CTNNA3: variants seen among roughly 807,000 people sequenced by gnomAD.
The protein encoded by CTNNA3 is catenin alpha 3.
In CTNNA3, 76 loss-of-function variants were observed where a neutral mutation model predicts 95.7. The observed-to-expected ratio is 0.79, with a 90% CI of 0.66 to 0.96. The LOEUF is 0.96. Ranked by LOEUF, CTNNA3 falls within the 40% of genes least tolerant of loss-of-function variation. CTNNA3 has a pLI of 0.00. For synonymous variants in CTNNA3, 431 were observed against 374.4 expected, an observed-to-expected ratio of 1.15 and a Z score of -1.74; for missense variants, 1,191 against 1,089.8, an observed-to-expected ratio of 1.09 and a Z score of -1.31.
At chr10:67,024,051 T>C (rs1471794798) in intron 7 of CTNNA3, among the ~76,000 whole-genome samples, 2 of 152,234 alleles carry the variant, frequency 1.3e-5, no homozygotes, top group African/African-American at 2.4e-5. Context: ...AAGTTTATTA[T>C]CTTCCGGAGG....
chr10:67,362,387 A>G (rs1157034551), intron 5 of CTNNA3, among the ~76,000 whole-genome samples: 1 of 152,188 alleles, frequency 6.6e-6, no homozygotes, highest in African/African-American at 2.4e-5. Context: ...AAATACTAGC[A>G]AACCGAATTC....
At chr10:67,126,150 G>A (rs1859711278) in intron 7 of CTNNA3, among the ~76,000 whole-genome samples, 1 of 152,196 alleles carries the variant, frequency 6.6e-6, no homozygotes, top group African/African-American at 2.4e-5. Flanking sequence ...TTCATGAGAG[G>A]TTTCAGGACA....
intron 13 of CTNNA3, among the ~76,000 whole-genome samples, chr10:66,222,480 T>TA (rs1453536971): frequency 6.6e-6 from 1 of 151,748 alleles, no homozygotes; most frequent in East Asian, 1.9e-4. Context: ...ATGCATTTAT[T>TA]AAAAAATATT....
intron 6 of CTNNA3, among the ~76,000 whole-genome samples, chr10:67,193,188 T>C (rs1863197785): frequency 6.6e-6 from 1 of 152,002 alleles, no homozygotes; most frequent in Non-Finnish European, 1.5e-5. Context: ...GGATCTAATG[T>C]ACAACATAGA....
chr10:66,504,012 G>C (rs139366929), intron 11 of CTNNA3, among the ~76,000 whole-genome samples: 3 of 151,934 alleles, frequency 2.0e-5, no homozygotes, highest in African/African-American at 7.3e-5. Flanking sequence ...TAAATCAAGC[G>C]AATTAACATA....
At chr10:66,865,001 T>C (rs1042563724) in intron 7 of CTNNA3, among the ~76,000 whole-genome samples, 2 of 152,124 alleles carry the variant, frequency 1.3e-5, no homozygotes, top group Non-Finnish European at 2.9e-5. Flanking sequence ...TGGCATATTT[T>C]AGAGAAAAAC....
At chr10:66,173,445 G>C (rs2085534381) in intron 13 of CTNNA3, among the ~76,000 whole-genome samples, 1 of 152,030 alleles carries the variant, frequency 6.6e-6, no homozygotes, top group South Asian at 2.1e-4. Flanking sequence ...TTCAGTTTGG[G>C]AGGTAGAGTT....
chr10:67,641,558 G>T (rs1229828869), intron 2 of CTNNA3, among the ~76,000 whole-genome samples: 1 of 152,116 alleles, frequency 6.6e-6, no homozygotes, highest in Admixed American at 6.6e-5. Context: ...ACATGCACAC[G>T]TATGTTTACT....
intron 11 of CTNNA3, among the ~76,000 whole-genome samples, chr10:66,509,992 A>G (rs1464971591): frequency 4.6e-5 from 7 of 151,878 alleles, no homozygotes; most frequent in Non-Finnish European, 1.0e-4. Context: ...CTTGGGTGAA[A>G]TGGTCATTTT....
chr10:67,597,551 G>A (rs548765001), intron 3 of CTNNA3, among the ~76,000 whole-genome samples: 1 of 152,274 alleles, frequency 6.6e-6, no homozygotes, highest in South Asian at 2.1e-4. Flanking sequence ...CATCACTTCT[G>A]TGCTGCATGC....
At chr10:67,547,992 T>C (rs1380567212) in intron 3 of CTNNA3, among the ~76,000 whole-genome samples, 3 of 152,234 alleles carry the variant, frequency 2.0e-5, no homozygotes, top group Admixed American at 2.0e-4. Context: ...CCCTGACTGA[T>C]ATCGCTTAGA....
At chr10:67,560,749 T>C (rs1013808807) in intron 3 of CTNNA3, among the ~76,000 whole-genome samples, 13 of 152,052 alleles carry the variant, frequency 8.5e-5, no homozygotes, top group African/African-American at 1.9e-4. Context: ...ACCCATCTCT[T>C]GTGCAGAGAC....
intron 9 of CTNNA3, among the ~76,000 whole-genome samples, chr10:66,627,175 G>A (rs913796521): frequency 6.6e-6 from 1 of 152,088 alleles, no homozygotes; most frequent in African/African-American, 2.4e-5. Flanking sequence ...TAGAGAAAAG[G>A]CTAAAAATTA....
chr10:66,297,747 T>A (rs1022592010), intron 12 of CTNNA3, among the ~76,000 whole-genome samples: 6 of 152,176 alleles, frequency 3.9e-5, no homozygotes, highest in Non-Finnish European at 8.8e-5. Flanking sequence ...AAGGCCAACT[T>A]TCCAGATAAC....
chr10:66,583,411 G>GA (rs1471217824), intron 10 of CTNNA3, among the ~76,000 whole-genome samples: 1 of 151,782 alleles, frequency 6.6e-6, no homozygotes, highest in Non-Finnish European at 1.5e-5. Flanking sequence ...CAAGCTAGCG[G>GA]GGGTTGTATG....
chr10:67,425,376 G>C (rs1479113334), intron 5 of CTNNA3, among the ~76,000 whole-genome samples: 2 of 152,084 alleles, frequency 1.3e-5, no homozygotes, highest in African/African-American at 4.8e-5. Flanking sequence ...ATGCAGCAGA[G>C]AGGCACTCTC....
chr10:66,582,389 C>A (rs1022467465), intron 10 of CTNNA3, among the ~76,000 whole-genome samples: 1 of 151,414 alleles, frequency 6.6e-6, no homozygotes, highest in African/African-American at 2.4e-5. Context: ...CATATTTTAT[C>A]TTTTTGTAGC....
chr10:66,782,835 G>A (rs552056067), intron 7 of CTNNA3, among the ~76,000 whole-genome samples: 5 of 152,132 alleles, frequency 3.3e-5, no homozygotes, highest in African/African-American at 4.8e-5. Context: ...TTCAAAGACT[G>A]CTGTTATTAT....
intron 15 of CTNNA3, among the ~76,000 whole-genome samples, chr10:66,022,568 C>T (rs1014068047): frequency 2.5e-4 from 38 of 151,518 alleles, no homozygotes; most frequent in African/African-American, 8.7e-4. Flanking sequence ...ACTTGCTTTA[C>T]CAGTAGCATG....
Sources: gnomAD v4.1 joint callset for allele counts (sites outside exome capture counted in the v4.1 genomes callset) on GRCh38, gnomAD v4.1.1 for gene constraint, MANE v1.5 for transcripts, NCBI Gene and HGNC (gene_info 2026-07-23, HGNC 2026-07-21) for gene names.